The following IFT122 variants were observed in gnomAD, a reference collection of about 807,000 sequenced individuals.
IFT122 encodes intraflagellar transport 122, also known as intraflagellar transport protein 122 homolog.
Under a neutral mutation model 161.6 loss-of-function variants are expected in IFT122, and 118 were observed. The ratio of observed to expected loss-of-function variants is 0.73; its 90% CI spans 0.63 to 0.85. The LOEUF is 0.85. Ranked by LOEUF, IFT122 falls within the 40% of genes least tolerant of loss-of-function variation. The pLI is 0.00. For missense variants in IFT122, 1,381 were observed against 1,579.6 expected (o/e 0.87, Z 2.13); for synonymous variants, 550 against 602.4 (o/e 0.91, Z 1.27).
At chr3:129,455,893 T>A (rs1389776127) in intron 3 of IFT122, among the ~76,000 whole-genome samples, 1 of 144,446 alleles carries the variant, frequency 6.9e-6, no homozygotes, top group Admixed American at 6.8e-5. Context: ...TCAGGTTGAA[T>A]AGGCTGAGGA....
chr3:129,465,596 G>A (rs954341481), intron 7 of IFT122, among the ~76,000 whole-genome samples: 50 of 149,394 alleles, frequency 3.3e-4, no homozygotes, highest in Non-Finnish European at 4.1e-4. Flanking sequence ...TCAGCCTCCT[G>A]AGTAGCTGGG....
At chr3:129,506,102 A>C (rs1307186289) in intron 21 of IFT122, among the ~76,000 whole-genome samples, 1 of 152,172 alleles carries the variant, frequency 6.6e-6, no homozygotes, top group African/African-American at 2.4e-5. Context: ...AACCTCACTG[A>C]AGATGAGCAA....
At chr3:129,517,260 T>C (rs1354411687) in intron 26 of IFT122, among the ~76,000 whole-genome samples, 8 of 96,508 alleles carry the variant, frequency 8.3e-5, no homozygotes, top group Admixed American at 2.2e-4. Context: ...CACACACACA[T>C]TGCTCCTGCA....
At chr3:129,451,867 G>A in intron 2 of IFT122, 47 bp from the exon 3 acceptor site, 1 of 1,473,174 alleles carries the variant, frequency 6.8e-7, no homozygotes, top group African/African-American at 1.4e-5. Flanking sequence ...CAGGAATTCT[G>A]ACTAATAGAT....
In IFT122 at chr3:129,488,263, C is replaced by T; in HGVS notation, c.1858C>T (p.Pro620Ser). The change falls in exon 16 of 30, where the codon CCC becomes TCC. Residue 620 changes from proline to serine, a missense_variant. By Grantham distance (74) the Pro-to-Ser change is moderately conservative. Coordinates refer to ENST00000348417, the MANE Select transcript of IFT122 (RefSeq NM_052989.3). ...ISAVEVPQSA[P>S]MYQYLDRKLF... The stretch of plus-strand genomic sequence containing the variant: ...CCTTGATGAAATCCTGCAGTCCGCT[C>T]CCATGTACCAGTACCTGGATAGGAA... 6.2e-7 allele frequency: 1 copy of T among 1,614,140 alleles called. No individual in the cohort carries two copies. Among genetic ancestry groups the T allele is most frequent in the Middle Eastern group, 1.6e-4 (1 of 6,062 alleles).
chr3:129,475,121 T>C (rs1040434843), intron 9 of IFT122, among the ~76,000 whole-genome samples: 3 of 152,194 alleles, frequency 2.0e-5, no homozygotes, highest in Non-Finnish European at 4.4e-5. Flanking sequence ...ATCATACGAC[T>C]GCATTCCAGC....
In IFT122 at chr3:129,450,101, G is replaced by A. The variant is rs560907993; in HGVS notation, c.108+164G>A. ...GGGATGGAAATGGGCTATTTAAAAC[G>A]GGCAAGTAAACTATCAGATAAGAAC... On this transcript the variant is annotated intron_variant, in intron 2 of 29. Transcript: ENST00000348417. Among the ~76,000 whole-genome samples the A allele has an allele frequency of 5.6e-4, 85 of 151,742 alleles. No individual in the cohort carries two copies. The highest frequency in any genetic ancestry group is 1.9e-3 in the African/African-American group (79 of 41,364).
At position 129,476,342 on chromosome 3, in the gene IFT122, G is replaced by GA; in HGVS notation, c.845dup (p.Asp282GlufsTer10). ...TGGAAAGGATCGGGCACTGAACTTT[G>GA]ACCCCTGCTGCATCAGCTACTTTAC... On this transcript the variant is annotated frameshift_variant, in exon 10 of 30. Coordinates refer to ENST00000348417, the MANE Select transcript of IFT122 (RefSeq NM_052989.3). LOFTEE classifies it high-confidence loss of function. 1 of 1,614,184 alleles carries GA rather than the reference G, an allele frequency of 6.2e-7. No homozygotes were observed. Among genetic ancestry groups the GA allele is most frequent in the South Asian group, 1.1e-5 (1 of 91,078 alleles).
At chr3:129,456,391 C>A (rs2075493650) in intron 3 of IFT122, 2 of 728,316 alleles carry the variant, frequency 2.7e-6, no homozygotes, top group African/African-American at 3.7e-5. Context: ...GTGATCTCAG[C>A]ACTTTGGGAA....
In IFT122 at chr3:129,502,815, C is replaced by A. The variant is rs747336013; in HGVS notation, c.2480C>A (p.Thr827Asn). The A allele has an allele frequency of 1.9e-6, 3 of 1,613,294 alleles. No homozygotes were observed. The highest frequency in any genetic ancestry group is 1.1e-5 in the South Asian group (1 of 91,090). Residue 827 changes from threonine to asparagine, a missense_variant, in exon 20 of 30, where the codon ACC (threonine) becomes AAC (asparagine). Physicochemically the swap from Thr to Asn is moderately conservative, Grantham distance 65. Around this residue, in one of 7 missense-constraint regions of IFT122, gnomAD observed 496 missense variants for 502.5 expected, o/e 0.99. Coordinates refer to ENST00000348417, the MANE Select transcript of IFT122 (RefSeq NM_052989.3). ...KLDSPGYAAE[T>N]YLKMGDLKSL... is the part of the protein sequence containing the mutation. ...GACAGCCCTGGCTATGCTGCTGAGACCTACCTGAAGATGGGTGACCTCAAG... is the reference window on the plus strand; with the variant it reads ...GACAGCCCTGGCTATGCTGCTGAGAACTACCTGAAGATGGGTGACCTCAAG...
intron 24 of IFT122, 89 bp from the exon 25 acceptor site, chr3:129,514,300 G>C (rs1448750962): frequency 6.9e-7 from 1 of 1,441,886 alleles, no homozygotes; most frequent in East Asian, 2.4e-5. Flanking sequence ...CACAAGCTGT[G>C]TTCCAGCCTG....
chr3:129,488,075 T>C, intron 15 of IFT122, 182 bp from the exon 16 acceptor site: 3 of 876,640 alleles, frequency 3.4e-6, no homozygotes, highest in Middle Eastern at 2.4e-4. Flanking sequence ...ATGAGAGAGG[T>C]GCAGGATGGA....
At chr3:129,442,780 A>G (rs1365569351) in intron 1 of IFT122, among the ~76,000 whole-genome samples, 3 of 152,108 alleles carry the variant, frequency 2.0e-5, no homozygotes, top group Non-Finnish European at 4.4e-5. Context: ...ATTCCCAATT[A>G]CTTTCCATGT....
intron 1 of IFT122, among the ~76,000 whole-genome samples, chr3:129,444,006 G>T (rs1326207606): frequency 6.6e-6 from 1 of 152,144 alleles, no homozygotes; most frequent in Non-Finnish European, 1.5e-5. Context: ...CACATACCAA[G>T]GATGACTTTA....
Position 129,504,385 on chromosome 3 carries a change from C to T in IFT122, c.2614C>T (p.Leu872=), listed in dbSNP as rs201891636. Residue 872 remains leucine (L), a synonymous_variant, in exon 21 of 30, where the codon CTA becomes TTA. Coordinates refer to ENST00000348417, the MANE Select transcript of IFT122 (RefSeq NM_052989.3). Reference sequence around the variant, plus strand: ...CATCTACATGCCGTATGCTCAGTGGCTAGCAGAGAACGATCGCTTTGAGGA... The same window carrying T: ...CATCTACATGCCGTATGCTCAGTGGTTAGCAGAGAACGATCGCTTTGAGGA... ...DDIYMPYAQW[L]AENDRFEEAQ... The T allele has an allele frequency of 6.2e-7, 1 of 1,614,096 alleles. No homozygotes were observed. Among genetic ancestry groups the T allele is most frequent in the East Asian group, 2.2e-5 (1 of 44,888 alleles).
chr3:129,484,740 A>G (rs1329870852), intron 15 of IFT122, among the ~76,000 whole-genome samples: 1 of 152,208 alleles, frequency 6.6e-6, no homozygotes, highest in South Asian at 2.1e-4. Context: ...AATCTCCTAA[A>G]GCATCGTTCT....
intron 16 of IFT122, among the ~76,000 whole-genome samples, chr3:129,488,784 G>A (rs529157209): frequency 1.9e-3 from 294 of 151,990 alleles, no homozygotes; most frequent in African/African-American, 6.2e-3. Context: ...TTTTATTATC[G>A]GTGTAGTCAC....
intron 4 of IFT122, chr3:129,459,225 G>A (rs2075879603): frequency 4.5e-6 from 2 of 442,572 alleles, no homozygotes; most frequent in Non-Finnish European, 4.5e-6. Context: ...TTATTCTGGT[G>A]ACTGATCAGT....
chr3:129,460,752 A>C (rs1294519905), intron 4 of IFT122: 1 of 894,214 alleles, frequency 1.1e-6, no homozygotes, highest in Non-Finnish European at 1.9e-6. Context: ...TTGTAAGTAA[A>C]GTATTACCCA....
Sources: gnomAD v4.1 joint callset for allele counts (sites outside exome capture counted in the v4.1 genomes callset) on GRCh38, gnomAD v4.1.1 for gene constraint, gnomAD v4.1.1 regional missense constraint, MANE v1.5 for transcripts, NCBI Gene and HGNC (gene_info 2026-07-23, HGNC 2026-07-21) for gene names.